CPNE8: variants seen among roughly 807,000 people sequenced by gnomAD.
CPNE8 encodes copine-8.
CPNE8 carries 45 observed loss-of-function variants against 81.5 expected under a neutral mutation model. The ratio of observed to expected loss-of-function variants is 0.55; its 90% CI spans 0.44 to 0.71. The LOEUF is 0.71. Ranked by LOEUF, CPNE8 falls within the 30% of genes least tolerant of loss-of-function variation. The pLI is 0.00. For synonymous variants in CPNE8, 252 were observed against 226.3 expected, an observed-to-expected ratio of 1.11 and a Z score of -1.02; for missense variants, 594 against 672.1, an observed-to-expected ratio of 0.88 and a Z score of 1.28.
Position 38,653,628 on chromosome 12 carries a change from A to AAAAAAAAAAAAT in CPNE8, c.*253_*254insATTTTTTTTTTT. Reference sequence around the variant, plus strand: ...TTAGCTGTTTCTGTTAAAAAAAAAAAGAAAGAAAGATTTAGAGAAGACATC... The same window carrying AAAAAAAAAAAAT: ...TTAGCTGTTTCTGTTAAAAAAAAAAAAAAAAAAAAAATGAAAGAAAGATTTAGAGAAGACATC... On this transcript the variant is annotated 3_prime_UTR_variant, in exon 20 of 20. Transcript: ENST00000331366. 2.0e-5 allele frequency: 6 copies of AAAAAAAAAAAAT among 294,232 alleles called. No individual in the cohort carries two copies. The highest frequency in any genetic ancestry group is 5.3e-5 in the East Asian group (1 of 19,012). The allele number at this position is 294,232 out of a possible 1,614,324, so 18.2% of individuals were successfully genotyped here.
intron 3 of CPNE8, among the ~76,000 whole-genome samples, chr12:38,869,800 A>G (rs1436121444): frequency 6.6e-6 from 1 of 152,036 alleles, no homozygotes; most frequent in Non-Finnish European, 1.5e-5. Flanking sequence ...CTCCATTTTC[A>G]TTTTGTTTTC....
intron 6 of CPNE8, among the ~76,000 whole-genome samples, chr12:38,790,960 C>A (rs550652616): frequency 1.3e-5 from 2 of 151,544 alleles, no homozygotes; most frequent in Non-Finnish European, 3.0e-5. Flanking sequence ...TACCTTTATA[C>A]TTTTGCTTCA....
At chr12:38,691,326 T>C (rs1939671270) in intron 15 of CPNE8, among the ~76,000 whole-genome samples, 1 of 152,164 alleles carries the variant, frequency 6.6e-6, no homozygotes. Flanking sequence ...GTAATGAGAT[T>C]GGCAGTTTCT....
chr12:38,707,018 GAA>G (rs1940124482), intron 13 of CPNE8, among the ~76,000 whole-genome samples: 2 of 152,096 alleles, frequency 1.3e-5, no homozygotes, highest in Admixed American at 6.6e-5. Flanking sequence ...GAGTTAAAAA[GAA>G]GAAGAGAGCA....
chr12:38,847,948 A>T (rs892273637), intron 4 of CPNE8, among the ~76,000 whole-genome samples: 1 of 152,076 alleles, frequency 6.6e-6, no homozygotes, highest in African/African-American at 2.4e-5. Flanking sequence ...CCATATCCAG[A>T]TACTTCAACA....
intron 3 of CPNE8, among the ~76,000 whole-genome samples, chr12:38,871,888 C>A (rs536019950): frequency 9.2e-5 from 14 of 152,264 alleles, no homozygotes; most frequent in African/African-American, 3.1e-4. Flanking sequence ...GTAATCCCAG[C>A]ACTTTGGGAG....
chr12:38,718,379 G>T (rs1405136999), intron 13 of CPNE8, among the ~76,000 whole-genome samples: 1 of 152,176 alleles, frequency 6.6e-6, no homozygotes, highest in Non-Finnish European at 1.5e-5. Flanking sequence ...AGTGGGGGAA[G>T]AAGCAGGAGA....
chr12:38,906,463 T>C, upstream of CPNE8: 1 of 985,714 alleles, frequency 1.0e-6, no homozygotes, highest in Non-Finnish European at 1.2e-6. Context: ...GTAAGGGCTC[T>C]TCTGGGTCCC....
chr12:38,748,254 G>A (rs890309064), intron 10 of CPNE8, among the ~76,000 whole-genome samples: 2 of 151,596 alleles, frequency 1.3e-5, no homozygotes, highest in Non-Finnish European at 2.9e-5. Context: ...CAAGTGATCC[G>A]CCTGCCGCAG....
At chr12:38,707,467 A>G (rs962455746) in intron 13 of CPNE8, among the ~76,000 whole-genome samples, 3 of 152,000 alleles carry the variant, frequency 2.0e-5, no homozygotes, top group African/African-American at 7.2e-5. Context: ...AGAGGAGGGA[A>G]GGAAGGTAAG....
chr12:38,731,961 A>G (rs576964315), intron 10 of CPNE8, among the ~76,000 whole-genome samples: 2 of 151,794 alleles, frequency 1.3e-5, no homozygotes, highest in Non-Finnish European at 2.9e-5. Context: ...ATCCTCCTCC[A>G]TTGCTATGCA....
intron 7 of CPNE8, 52 bp downstream of exon 7, chr12:38,776,186 A>T: frequency 1.1e-6 from 1 of 880,650 alleles, no homozygotes; most frequent in Non-Finnish European, 1.7e-6. Context: ...AATTTTAGAT[A>T]TAGCATTTGA....
chr12:38,874,907 G>T (rs1317807869), intron 1 of CPNE8, among the ~76,000 whole-genome samples: 2 of 152,132 alleles, frequency 1.3e-5, no homozygotes, highest in Middle Eastern at 3.2e-3. Context: ...ATGCAAAATT[G>T]TTTGCAGTTC....
At chr12:38,821,696 CT>C (rs547492369) in intron 6 of CPNE8, among the ~76,000 whole-genome samples, 11 of 152,302 alleles carry the variant, frequency 7.2e-5, no homozygotes, top group African/African-American at 2.6e-4. Flanking sequence ...AGTTCTTCAT[CT>C]GTATGACTTT....
chr12:38,831,012 G>T (rs1041684506), intron 5 of CPNE8, among the ~76,000 whole-genome samples: 1 of 152,144 alleles, frequency 6.6e-6, no homozygotes, highest in Non-Finnish European at 1.5e-5. Context: ...GAAAGTGGGG[G>T]TGAGAAGTGC....
intron 14 of CPNE8, among the ~76,000 whole-genome samples, chr12:38,701,443 A>G (rs1346280232): frequency 6.6e-6 from 1 of 152,054 alleles, no homozygotes. Context: ...ACAATCTAGT[A>G]TTTTAAAGCA....
intron 6 of CPNE8, among the ~76,000 whole-genome samples, chr12:38,785,832 T>C (rs576315311): frequency 6.6e-6 from 1 of 152,308 alleles, no homozygotes; most frequent in Admixed American, 6.5e-5. Context: ...CAGTGTTAAG[T>C]TGTTAAAAGG....
At chr12:38,683,749 CTGTT>C (rs1277078179) in intron 16 of CPNE8, among the ~76,000 whole-genome samples, 1 of 152,046 alleles carries the variant, frequency 6.6e-6, no homozygotes, top group African/African-American at 2.4e-5. Flanking sequence ...CCATCTCTTA[CTGTT>C]TTTCTTAATT....
intron 15 of CPNE8, 161 bp from the exon 16 acceptor site, chr12:38,685,778 A>T (rs1939520046): frequency 1.7e-6 from 1 of 573,772 alleles, no homozygotes; most frequent in African/African-American, 1.9e-5. Flanking sequence ...TACATTAAGT[A>T]AGTGATCAAC....
Sources: gnomAD v4.1 joint callset for allele counts (sites outside exome capture counted in the v4.1 genomes callset) on GRCh38, gnomAD v4.1.1 for gene constraint, MANE v1.5 for transcripts, NCBI Gene and HGNC (gene_info 2026-07-23, HGNC 2026-07-21) for gene names.